Variants in PCCA observed in about 807,000 individuals in gnomAD.
PCCA encodes the protein propionyl-CoA carboxylase subunit alpha, also known as propionyl-CoA carboxylase alpha chain, mitochondrial.
Under a neutral mutation model 101.3 loss-of-function variants are expected in PCCA, and 74 were observed. The ratio of observed to expected loss-of-function variants is 0.73; its 90% CI spans 0.61 to 0.89. The LOEUF (loss-of-function observed/expected upper bound fraction) is 0.89. Ranked by LOEUF, PCCA falls within the 40% of genes least tolerant of loss-of-function variation. The pLI is 0.00. For synonymous variants in PCCA, 294 were observed against 313.6 expected, an observed-to-expected ratio of 0.94 and a Z score of 0.66; for missense variants, 891 against 907.0, an observed-to-expected ratio of 0.98 and a Z score of 0.23.
At chr13:100,371,549 C>T (rs1164903460) in intron 19 of PCCA, among the ~76,000 whole-genome samples, 1 of 152,036 alleles carries the variant, frequency 6.6e-6, no homozygotes, top group African/African-American at 2.4e-5. Context: ...CCAGCCTGGG[C>T]AACACAGCAA....
intron 18 of PCCA, among the ~76,000 whole-genome samples, chr13:100,348,728 CTTTCTTT>C (rs1566975496): frequency 5.1e-4 from 33 of 65,226 alleles, no homozygotes; most frequent in African/African-American, 2.6e-3. Context: ...GTTTTTTTTC[CTTTCTTT>C]CTTTCTTTCT....
chr13:100,206,916 C>A (rs2152473843), intron 6 of PCCA, among the ~76,000 whole-genome samples: 1 of 152,246 alleles, frequency 6.6e-6, no homozygotes, highest in Non-Finnish European at 1.5e-5. Context: ...AGTAGTTTCC[C>A]CCAGTTTATG....
intron 4 of PCCA, among the ~76,000 whole-genome samples, chr13:100,112,573 G>T (rs1476287880): frequency 1.7e-5 from 2 of 119,608 alleles, no homozygotes; most frequent in African/African-American, 6.5e-5. Flanking sequence ...TAACACAGCA[G>T]GCCTTTTTTT....
intron 19 of PCCA, among the ~76,000 whole-genome samples, chr13:100,391,997 T>A (rs1377911006): frequency 9.9e-5 from 15 of 152,188 alleles, no homozygotes. Flanking sequence ...AGTGACCCCT[T>A]AGTCACTTAA....
intron 19 of PCCA, among the ~76,000 whole-genome samples, chr13:100,393,406 T>G (rs1251344360): frequency 6.7e-6 from 1 of 149,986 alleles, no homozygotes; most frequent in Non-Finnish European, 1.5e-5. Context: ...TTTTATTAAC[T>G]ACTGAAGAGT....
At chr13:100,468,863 A>G (rs1356980002) in intron 21 of PCCA, among the ~76,000 whole-genome samples, 1 of 152,078 alleles carries the variant, frequency 6.6e-6, no homozygotes, top group East Asian at 1.9e-4. Flanking sequence ...CATCTCTACT[A>G]AAAATACAAA....
intron 4 of PCCA, among the ~76,000 whole-genome samples, chr13:100,128,049 C>G (rs2050140121): frequency 6.6e-6 from 1 of 152,032 alleles, no homozygotes; most frequent in Non-Finnish European, 1.5e-5. Context: ...ATGCCTCTCA[C>G]TCATTCAGAA....
chr13:100,462,087 G>A (rs951051216), intron 21 of PCCA, among the ~76,000 whole-genome samples: 5 of 152,094 alleles, frequency 3.3e-5, no homozygotes, highest in South Asian at 4.2e-4. Flanking sequence ...AAAATCTATA[G>A]CATTCCTTCC....
chr13:100,491,958 C>A, intron 21 of PCCA: 1 of 204,674 alleles, frequency 4.9e-6, no homozygotes. Context: ...ATCCATAAAG[C>A]ACCTGGGCAG....
At chr13:100,113,175 G>A (rs2152281851) in intron 4 of PCCA, among the ~76,000 whole-genome samples, 1 of 152,294 alleles carries the variant, frequency 6.6e-6, no homozygotes, top group East Asian at 1.9e-4. Flanking sequence ...CACCTATATA[G>A]TATAGCCTAT....
Position 100,268,750 on chromosome 13 carries a change from G to A in PCCA, c.881G>A (p.Arg294Lys). The change falls in exon 11 of 24, where the codon AGA becomes AAA. Residue 294 changes from arginine to lysine, a missense_variant. Transcript: ENST00000376285. ...WLNERECSIQ[R>K]RNQKVVEEAP... ...AATGAAAGAGAGTGCTCAATTCAGAGAAGAAATCAGAAGGTGGTGGAGGAA... is the reference window on the plus strand; with the variant it reads ...AATGAAAGAGAGTGCTCAATTCAGAAAAGAAATCAGAAGGTGGTGGAGGAA... The A allele has an allele frequency of 6.2e-7, 1 of 1,614,054 alleles. No individual in the cohort carries two copies. The highest frequency in any genetic ancestry group is 2.2e-5 in the East Asian group (1 of 44,884).
intron 1 of PCCA, 24 bp downstream of exon 1, chr13:100,089,249 G>T (rs895383072): frequency 1.4e-6 from 2 of 1,474,664 alleles, no homozygotes; most frequent in Non-Finnish European, 1.8e-6. Flanking sequence ...GGGCCTCGCG[G>T]GTCCGGGCTT....
At chr13:100,411,748 T>C (rs1595800870) in intron 19 of PCCA, among the ~76,000 whole-genome samples, 2 of 152,314 alleles carry the variant, frequency 1.3e-5, no homozygotes, top group South Asian at 4.1e-4. Context: ...CATTCATGGC[T>C]GAGAGCAGAG....
intron 6 of PCCA, among the ~76,000 whole-genome samples, chr13:100,202,204 C>T (rs1051704920): frequency 2.0e-5 from 3 of 147,902 alleles, no homozygotes; most frequent in African/African-American, 7.5e-5. Flanking sequence ...CACAGCAGTA[C>T]ACATCTGTAG....
chr13:100,207,988 A>T (rs546709094), intron 6 of PCCA, among the ~76,000 whole-genome samples: 51 of 152,164 alleles, frequency 3.4e-4, no homozygotes, highest in African/African-American at 1.2e-3. Flanking sequence ...ATTGCACTCC[A>T]GCCTGGTGAC....
chr13:100,428,383 A>G lies in PCCA; in HGVS notation c.1845+2652A>G, dbSNP rs1402245917. On this transcript the variant is annotated intron_variant, in intron 20 of 23. Coordinates refer to ENST00000376285, the MANE Select transcript of PCCA (RefSeq NM_000282.4). ...CCCACACCCTCAGCCTAGATCCATG[A>G]TTTAAATCCGAGCAGTCTTGCTGTA... Among the ~76,000 whole-genome samples the G allele has an allele frequency of 3.8e-5, 4 of 105,188 alleles. No individual in the cohort carries two copies. In the South Asian group the frequency reaches 1.3e-3, roughly 35 times the overall value. The allele number at this position is 105,188 out of a possible 152,430, so 69.0% of individuals were successfully genotyped here.
chr13:100,281,848 A>G (rs2064145783), intron 12 of PCCA, among the ~76,000 whole-genome samples: 3 of 152,220 alleles, frequency 2.0e-5, no homozygotes, highest in African/African-American at 4.8e-5. Context: ...TTGCTATCCC[A>G]AATAATGCAA....
intron 22 of PCCA, among the ~76,000 whole-genome samples, chr13:100,525,320 G>A (rs114723129): frequency 2.4e-3 from 363 of 152,296 alleles, no homozygotes; most frequent in African/African-American, 8.4e-3. Context: ...GGCTAAATCC[G>A]AGGTTTTTTT....
At chr13:100,441,568 A>AT (rs940754235) in intron 20 of PCCA, among the ~76,000 whole-genome samples, 1 of 152,212 alleles carries the variant, frequency 6.6e-6, no homozygotes, top group South Asian at 2.1e-4. Context: ...CTTCTAAAGT[A>AT]TTTTTTAAAG....
Sources: allele counts gnomAD v4.1 joint callset (sites outside exome capture counted in the v4.1 genomes callset), GRCh38; gene constraint gnomAD v4.1.1; transcripts MANE v1.5; gene names NCBI Gene and HGNC (gene_info 2026-07-23, HGNC 2026-07-21).